Variants in FHIP1A observed in about 807,000 individuals in gnomAD.
The protein encoded by FHIP1A is FHF complex subunit HOOK interacting protein 1A.
A neutral mutation model predicts 88.6 loss-of-function variants in FHIP1A; 61 were observed. The ratio of observed to expected loss-of-function variants is 0.69; its 90% CI spans 0.56 to 0.85. The LOEUF (loss-of-function observed/expected upper bound fraction) is 0.85, where lower values mean the gene tolerates loss of function less well. FHIP1A is among the 40% of genes least tolerant of loss of function. The pLI, the probability that FHIP1A is intolerant of heterozygous loss-of-function variation, is 0.00. For missense variants in FHIP1A, 1,154 were observed against 1,273.5 expected, an observed-to-expected ratio of 0.91 and a Z score of 1.43; for synonymous variants, 478 against 496.0, an observed-to-expected ratio of 0.96 and a Z score of 0.48.
rs886626121 is a variant in FHIP1A at position 151,665,864 on chromosome 4, A to G, written c.*3110A>G. 8.5e-5 allele frequency among the ~76,000 whole-genome samples: 13 copies of G among 152,242 alleles called. No individual in the cohort carries two copies. The highest frequency in any genetic ancestry group is 1.9e-4 in the African/African-American group (8 of 41,464). The stretch of plus-strand genomic sequence containing the variant: ...GGTCCGAGAGTGTGGACACTTCTCT[A>G]TGTGACAGGCTCCTACACCAGTCGC... On this transcript the variant is annotated 3_prime_UTR_variant, in exon 14 of 14. Coordinates refer to ENST00000435205, the MANE Select transcript of FHIP1A (RefSeq NM_001109977.3).
At chr4:151,471,240 T>A (rs1489322972) in intron 2 of FHIP1A, among the ~76,000 whole-genome samples, 1 of 151,502 alleles carries the variant, frequency 6.6e-6, no homozygotes, top group African/African-American at 2.4e-5. Flanking sequence ...TTCTCTAGAT[T>A]TCCTCAAAGT....
Position 151,656,951 on chromosome 4 carries a change from T to C in FHIP1A, c.2869+53T>C, listed in dbSNP as rs1364737061. 6.7e-7 allele frequency: 1 copy of C among 1,495,638 alleles called. No individual in the cohort carries two copies. The highest frequency in any genetic ancestry group is 9.0e-7 in the Non-Finnish European group (1 of 1,113,760). The allele number at this position is 1,495,638 out of a possible 1,614,324, so 92.6% of individuals were successfully genotyped here. A position where few individuals can be genotyped will look rare whatever the true frequency, so the allele number is the denominator to read the frequency against. On this transcript the variant is annotated intron_variant, in intron 13 of 13. Coordinates refer to ENST00000435205, the MANE Select transcript of FHIP1A (RefSeq NM_001109977.3). This position sits in a 1 kb window ranked among gnomAD's most constrained non-coding sequence, Gnocchi z 4.2. ...TCCTTAAATTCCTCCTCCACGTCCC[T>C]GGCCTACTGGCCTCAGTTCACAGAT...
chr4:151,626,669 A>G lies in FHIP1A; in HGVS notation c.979-3033A>G, dbSNP rs75097679. 2.4e-3 allele frequency among the ~76,000 whole-genome samples: 361 copies of G among 152,298 alleles called. 7 individuals carry two copies. In the East Asian group the frequency reaches 0.059, roughly 25 times the overall value. ...AGGTAGAATGTCATTTACTGTTTCT[A>G]TTAGTATTTCTATGTAAATTCGTAG... is the stretch of plus-strand genomic sequence containing the variant. On this transcript the variant is annotated intron_variant, in intron 7 of 13. Transcript: ENST00000435205.
At chr4:151,425,068 T>C (rs976641103) in intron 1 of FHIP1A, among the ~76,000 whole-genome samples, 1 of 152,134 alleles carries the variant, frequency 6.6e-6, no homozygotes, top group African/African-American at 2.4e-5. Flanking sequence ...AATCTTACCA[T>C]TACAAAAGAG....
In FHIP1A at chr4:151,449,819, A is replaced by T. The variant is rs1561500162; in HGVS notation, c.-355-4882A>T. On this transcript the variant is annotated intron_variant, in intron 1 of 13. Transcript: ENST00000435205. ...TTGGGATGGTGTTAAATAATGCCAC[A>T]AACTCGTATTTTGCTTTTGATGAAA... 3.9e-5 allele frequency among the ~76,000 whole-genome samples: 6 copies of T among 152,334 alleles called. No homozygotes were observed. In the South Asian group the frequency reaches 1.2e-3, roughly 32 times the overall value.
intron 3 of FHIP1A, among the ~76,000 whole-genome samples, chr4:151,557,981 T>A (rs1347470896): frequency 6.6e-6 from 1 of 152,214 alleles, no homozygotes; most frequent in African/African-American, 2.4e-5. Context: ...ATTGAGAATG[T>A]ATTCTTTGTT....
chr4:151,545,000 T>C (rs1303828310), intron 3 of FHIP1A, among the ~76,000 whole-genome samples: 1 of 152,112 alleles, frequency 6.6e-6, no homozygotes, highest in Non-Finnish European at 1.5e-5. Context: ...ACTTGAGCCC[T>C]GGAGGGCAAA....
At chr4:151,428,969 C>T (rs1217443623) in intron 1 of FHIP1A, among the ~76,000 whole-genome samples, 1 of 152,210 alleles carries the variant, frequency 6.6e-6, no homozygotes, top group African/African-American at 2.4e-5. Context: ...TAGGCATTTA[C>T]ATCACTATGT....
At chr4:151,557,214 C>T (rs916714339) in intron 3 of FHIP1A, among the ~76,000 whole-genome samples, 2 of 152,150 alleles carry the variant, frequency 1.3e-5, no homozygotes, top group Non-Finnish European at 2.9e-5. Flanking sequence ...TGCTTCCATA[C>T]TCTCTTCACA....
intron 1 of FHIP1A, among the ~76,000 whole-genome samples, chr4:151,443,350 C>G (rs1011454807): frequency 6.6e-6 from 1 of 152,086 alleles, no homozygotes; most frequent in African/African-American, 2.4e-5. Flanking sequence ...ATTGATCTTG[C>G]TCTGTCACCC....
intron 3 of FHIP1A, among the ~76,000 whole-genome samples, chr4:151,521,957 C>G (rs910003083): frequency 8.5e-5 from 13 of 152,118 alleles, no homozygotes; most frequent in African/African-American, 2.9e-4. Context: ...AACTCCTAGG[C>G]TCAAGTGACC....
Position 151,434,243 on chromosome 4 carries a change from T to C in FHIP1A, c.-355-20458T>C, listed in dbSNP as rs1177311801. ...TATACTCTTTGGCTGTAAGTCCTAG[T>C]TTTCTTTTTTAACATATGCATTTCT... is the stretch of plus-strand genomic sequence containing the variant. On this transcript the variant is annotated intron_variant, in intron 1 of 13. Coordinates refer to ENST00000435205, the MANE Select transcript of FHIP1A (RefSeq NM_001109977.3). Among the ~76,000 whole-genome samples, 4 of 152,308 alleles carry C rather than the reference T, an allele frequency of 2.6e-5. No individual in the cohort carries two copies. The East Asian group carries it at 7.7e-4, about 29-fold the overall frequency.
intron 5 of FHIP1A, among the ~76,000 whole-genome samples, chr4:151,578,583 C>T (rs1197227760): frequency 6.6e-6 from 1 of 152,076 alleles, no homozygotes; most frequent in African/African-American, 2.4e-5. Context: ...GTGCAGGGGC[C>T]ACGCTGACAA....
At position 151,656,101 on chromosome 4, in the gene FHIP1A, T is replaced by C; in HGVS notation, c.2552-131T>C. On this transcript the variant is annotated intron_variant, in intron 11 of 13. Coordinates refer to ENST00000435205, the MANE Select transcript of FHIP1A (RefSeq NM_001109977.3). This position sits in a 1 kb window ranked among gnomAD's most constrained non-coding sequence, Gnocchi z 4.2. ...TGAGGCAGGAGAAAACGTGGCCATA[T>C]TTGCTGTGTCTGGCTTGCACCTGTG... The C allele has an allele frequency of 1.6e-6, 1 of 641,570 alleles. No homozygotes were observed. Among genetic ancestry groups the C allele is most frequent in the Non-Finnish European group, 2.6e-6 (1 of 389,870 alleles). The allele number at this position is 641,570 out of a possible 1,614,324, so 39.7% of individuals were successfully genotyped here.
At chr4:151,449,198 A>T (rs897966164) in intron 1 of FHIP1A, among the ~76,000 whole-genome samples, 1 of 152,080 alleles carries the variant, frequency 6.6e-6, no homozygotes, top group Non-Finnish European at 1.5e-5. Context: ...TGAATACATG[A>T]TATGCTTATT....
intron 3 of FHIP1A, among the ~76,000 whole-genome samples, chr4:151,526,644 G>C (rs1317056145): frequency 6.6e-6 from 1 of 150,428 alleles, no homozygotes; most frequent in African/African-American, 2.4e-5. Context: ...CGGACGGGGC[G>C]GCTGGCCGGG....
At chr4:151,457,731 T>A (rs1470827806) in intron 2 of FHIP1A, among the ~76,000 whole-genome samples, 2 of 152,162 alleles carry the variant, frequency 1.3e-5, no homozygotes, top group Non-Finnish European at 2.9e-5. Flanking sequence ...CTTCCGCCCC[T>A]TTTTTAGGTA....
At chr4:151,558,196 G>A (rs184541019) in intron 3 of FHIP1A, among the ~76,000 whole-genome samples, 6 of 152,228 alleles carry the variant, frequency 3.9e-5, no homozygotes, top group African/African-American at 1.4e-4. Context: ...GAGAGAATAG[G>A]TTTTGTACGA....
chr4:151,541,443 G>C (rs1732289419), intron 3 of FHIP1A, among the ~76,000 whole-genome samples: 1 of 152,150 alleles, frequency 6.6e-6, no homozygotes, highest in African/African-American at 2.4e-5. Flanking sequence ...CATCACGAGA[G>C]CTCATTCTTT....
Sources: gnomAD v4.1 joint callset for allele counts (sites outside exome capture counted in the v4.1 genomes callset) on GRCh38, gnomAD v4.1.1 for gene constraint, Gnocchi (gnomAD v3.1) non-coding constraint, MANE v1.5 for transcripts, NCBI Gene and HGNC (gene_info 2026-07-23, HGNC 2026-07-21) for gene names.